EYS: variants seen among roughly 807,000 people sequenced by gnomAD.
EYS encodes the protein protein eyes shut homolog.
A neutral mutation model predicts 282.1 loss-of-function variants in EYS; 250 were observed. The ratio of observed to expected loss-of-function variants is 0.89; its 90% CI spans 0.80 to 0.98. The LOEUF (loss-of-function observed/expected upper bound fraction) is 0.98. Ranked by LOEUF, EYS falls within the 50% of genes least tolerant of loss-of-function variation. The pLI is 0.00. For missense variants in EYS, 4,016 were observed against 3,709.0 expected (o/e 1.08, Z -2.15); for synonymous variants, 1,355 against 1,282.9 (o/e 1.06, Z -1.20).
intron 35 of EYS, among the ~76,000 whole-genome samples, chr6:63,928,364 G>A (rs1346108495): frequency 6.6e-6 from 1 of 152,098 alleles, no homozygotes; most frequent in African/African-American, 2.4e-5. Flanking sequence ...TAGAAAATAA[G>A]CTCCATGAAG....
intron 1 of EYS, among the ~76,000 whole-genome samples, chr6:65,703,966 G>C (rs965142873): frequency 1.3e-5 from 2 of 152,064 alleles, no homozygotes; most frequent in East Asian, 3.9e-4. Context: ...TCTGGAGAAC[G>C]ACTGAGCGAA....
chr6:64,239,190 T>G (rs999996907), intron 30 of EYS, among the ~76,000 whole-genome samples: 2 of 152,240 alleles, frequency 1.3e-5, no homozygotes, highest in African/African-American at 4.8e-5. Flanking sequence ...TCTTTGCTAT[T>G]GTAAACAGTG....
At chr6:64,505,022 C>T (rs1777167841) in intron 26 of EYS, among the ~76,000 whole-genome samples, 1 of 152,116 alleles carries the variant, frequency 6.6e-6, no homozygotes, top group Admixed American at 6.6e-5. Context: ...TTTGAAAATT[C>T]CTGTATTACC....
In EYS at chr6:64,860,766, C is replaced by T. The variant is rs543288879; in HGVS notation, c.2992+25931G>A. ...GGGTCCTGAGTTCTTGTCCCATGCCCAGGAAGAAAGAGGTAGGTAGACAAG... is the reference window on the plus strand; with the variant it reads ...GGGTCCTGAGTTCTTGTCCCATGCCTAGGAAGAAAGAGGTAGGTAGACAAG... On this transcript the variant is annotated intron_variant, in intron 19 of 42. Transcript: ENST00000503581. Among the ~76,000 whole-genome samples the T allele has an allele frequency of 2.8e-4, 42 of 152,272 alleles. No homozygotes were observed. In the South Asian group the frequency reaches 5.4e-3, roughly 20 times the overall value.
chr6:65,251,027 T>C (rs1215068807), intron 12 of EYS, among the ~76,000 whole-genome samples: 1 of 76,364 alleles, frequency 1.3e-5, no homozygotes, highest in African/African-American at 5.3e-5. Flanking sequence ...AAGAAAAATA[T>C]AAATAACAAC....
chr6:65,484,790 T>C (rs539628478), intron 5 of EYS, among the ~76,000 whole-genome samples: 3 of 152,318 alleles, frequency 2.0e-5, no homozygotes, highest in Admixed American at 6.5e-5. Context: ...AGAGGTTTGG[T>C]CAATTATTGT....
chr6:65,492,194 A>C (rs1235570349), intron 4 of EYS, among the ~76,000 whole-genome samples: 1 of 152,196 alleles, frequency 6.6e-6, no homozygotes, highest in East Asian at 1.9e-4. Flanking sequence ...TTTATAATTA[A>C]AGTGGCAAAT....
At chr6:64,019,098 A>G (rs556960689) in intron 33 of EYS, among the ~76,000 whole-genome samples, 2 of 152,202 alleles carry the variant, frequency 1.3e-5, no homozygotes, top group African/African-American at 4.8e-5. Flanking sequence ...ATAAGAGAGA[A>G]TCAGAGAGAG....
chr6:64,151,362 T>TATATATATATA (rs1491484712), intron 31 of EYS, among the ~76,000 whole-genome samples: 1 of 108,826 alleles, frequency 9.2e-6, no homozygotes, highest in East Asian at 2.5e-4. Context: ...TATATATATA[T>TATATATATATA]AATTTTTTTT....
chr6:64,334,524 C>A (rs893490814), intron 29 of EYS, among the ~76,000 whole-genome samples: 4 of 152,062 alleles, frequency 2.6e-5, no homozygotes, highest in African/African-American at 9.7e-5. Context: ...ATGGACTGGC[C>A]AGCTGGGCAC....
At chr6:65,047,597 C>T (rs1773140871) in intron 13 of EYS, among the ~76,000 whole-genome samples, 1 of 151,944 alleles carries the variant, frequency 6.6e-6, no homozygotes, top group African/African-American at 2.4e-5. Flanking sequence ...CCACTGCCCT[C>T]TCTGTTAATT....
chr6:64,719,856 G>A (rs1278849482), intron 22 of EYS, among the ~76,000 whole-genome samples: 8 of 152,070 alleles, frequency 5.3e-5, no homozygotes, highest in South Asian at 2.1e-4. Context: ...AGCCGAGATT[G>A]CACCACAGCA....
chr6:64,770,844 T>C (rs888387186), intron 22 of EYS, among the ~76,000 whole-genome samples: 5 of 151,918 alleles, frequency 3.3e-5, no homozygotes, highest in Admixed American at 3.3e-4. Context: ...AGCCCGTCTT[T>C]GTAGGTTACT....
intron 2 of EYS, among the ~76,000 whole-genome samples, chr6:65,621,203 T>A (rs1420909441): frequency 1.3e-5 from 2 of 152,168 alleles, no homozygotes; most frequent in Non-Finnish European, 2.9e-5. Flanking sequence ...TCTTTGTAGG[T>A]CGCTCAGGAC....
chr6:64,187,545 T>C (rs1764983501), intron 31 of EYS, among the ~76,000 whole-genome samples: 1 of 152,062 alleles, frequency 6.6e-6, no homozygotes, highest in Non-Finnish European at 1.5e-5. Flanking sequence ...AAAAAATTTA[T>C]AACAGTTTTA....
chr6:65,690,530 C>T (rs986240844), intron 1 of EYS, among the ~76,000 whole-genome samples: 1 of 150,068 alleles, frequency 6.7e-6, no homozygotes, highest in Admixed American at 6.7e-5. Flanking sequence ...AGGCTCTCTG[C>T]AGGCGGAAGC....
At chr6:64,093,401 CTATGTGTTTGTATCCTCTTT>C (rs1162268764) in intron 31 of EYS, among the ~76,000 whole-genome samples, 1 of 152,124 alleles carries the variant, frequency 6.6e-6, no homozygotes, top group Non-Finnish European at 1.5e-5. Flanking sequence ...GAATGTTCTT[CTATGTGTTTGTATCCTCTTT>C]TATTTCATTG....
intron 13 of EYS, among the ~76,000 whole-genome samples, chr6:65,048,175 C>A (rs1773158160): frequency 6.6e-6 from 1 of 151,928 alleles, no homozygotes; most frequent in African/African-American, 2.4e-5. Flanking sequence ...CTCACGTTCC[C>A]CCTATTTAGC....
At chr6:65,412,259 A>T (rs867627644) in intron 5 of EYS, among the ~76,000 whole-genome samples, 11 of 152,138 alleles carry the variant, frequency 7.2e-5, no homozygotes, top group African/African-American at 2.4e-4. Flanking sequence ...ATCTGTGTTA[A>T]TTTGTTATAG....
Sources: allele counts gnomAD v4.1 joint callset (sites outside exome capture counted in the v4.1 genomes callset), GRCh38; gene constraint gnomAD v4.1.1; transcripts MANE v1.5; gene names NCBI Gene and HGNC (gene_info 2026-07-23, HGNC 2026-07-21).